Variants in HTR1E observed in about 807,000 individuals in gnomAD.
The protein encoded by HTR1E is 5-hydroxytryptamine receptor 1E.
Under a neutral mutation model 3.4 loss-of-function variants are expected in HTR1E, and 3 were observed. The observed-to-expected ratio is 0.89, with a 90% CI of 0.41 to 2.31. HTR1E has a LOEUF of 2.31. Among genes scored for constraint, HTR1E ranks in the 30% most tolerant of loss-of-function variants. The pLI, the probability that HTR1E is intolerant of heterozygous loss-of-function variation, is 0.05. For synonymous variants in HTR1E, 170 were observed against 182.8 expected (o/e 0.93, Z 0.56); for missense variants, 392 against 467.0 (o/e 0.84, Z 1.48).
chr6:87,012,210 C>T (rs1768249000), intron 1 of HTR1E, among the ~76,000 whole-genome samples: 1 of 152,152 alleles, frequency 6.6e-6, no homozygotes, highest in South Asian at 2.1e-4. Flanking sequence ...ACCTCAATGC[C>T]TTGGCCCTAA....
intron 1 of HTR1E, among the ~76,000 whole-genome samples, chr6:87,010,646 C>T (rs572962856): frequency 1.6e-4 from 23 of 146,930 alleles, no homozygotes; most frequent in East Asian, 4.1e-4. Flanking sequence ...CGGGCGGAGA[C>T]GCTCCTCACT....
At chr6:86,966,857 T>C (rs557951263) in intron 1 of HTR1E, among the ~76,000 whole-genome samples, 3 of 152,374 alleles carry the variant, frequency 2.0e-5, no homozygotes, top group African/African-American at 7.2e-5. Context: ...ATGGACATAT[T>C]CTTAAAAGAT....
At chr6:86,998,897 G>A (rs957669672) in intron 1 of HTR1E, among the ~76,000 whole-genome samples, 9 of 152,232 alleles carry the variant, frequency 5.9e-5, no homozygotes, top group African/African-American at 2.2e-4. Context: ...ACTATAGATA[G>A]TATAGGCTAA....
chr6:86,994,409 GA>G (rs959198721), intron 1 of HTR1E, among the ~76,000 whole-genome samples: 11 of 151,286 alleles, frequency 7.3e-5, no homozygotes, highest in African/African-American at 2.2e-4. Context: ...CCTATCAGGA[GA>G]AAAAAAAATT....
chr6:86,947,030 C>T (rs1209916286), intron 1 of HTR1E, among the ~76,000 whole-genome samples: 3 of 151,948 alleles, frequency 2.0e-5, no homozygotes, highest in Admixed American at 6.6e-5. Flanking sequence ...GCAGGAGAAT[C>T]GCTTGAACCC....
chr6:86,958,034 T>C (rs1434834656), intron 1 of HTR1E, among the ~76,000 whole-genome samples: 1 of 151,834 alleles, frequency 6.6e-6, no homozygotes, highest in Non-Finnish European at 1.5e-5. Flanking sequence ...GCAGGAGGCA[T>C]GCATTCCTTG....
At chr6:86,968,361 G>A (rs1263116818) in intron 1 of HTR1E, among the ~76,000 whole-genome samples, 1 of 152,216 alleles carries the variant, frequency 6.6e-6, no homozygotes, top group Non-Finnish European at 1.5e-5. Flanking sequence ...CAAAGTGTAT[G>A]TGCCTTGGTA....
intron 1 of HTR1E, among the ~76,000 whole-genome samples, chr6:87,013,873 C>A (rs1379181205): frequency 2.0e-5 from 3 of 152,038 alleles, no homozygotes; most frequent in Non-Finnish European, 4.4e-5. Flanking sequence ...ATTTATGCAA[C>A]CAACAAACAT....
Position 87,015,557 on chromosome 6 carries a change from G to A in HTR1E, c.223G>A (p.Val75Ile), listed in dbSNP as rs781747051. ...AVTDLLVAVL[V>I]MPLSIIYIVM... ...GACGGACCTCCTGGTGGCAGTGCTC[G>A]TCATGCCCCTGAGCATCATCTACAT... Residue 75 changes from valine to isoleucine, a missense_variant, in exon 2 of 2, where the codon GTC becomes ATC. By Grantham distance (29) the Val-to-Ile change is conservative. This residue lies in a region of HTR1E where 189 missense variants were observed against 258.0 expected (regional missense o/e 0.73). Transcript: ENST00000305344. 9.3e-6 allele frequency: 15 copies of A among 1,612,794 alleles called. No individual in the cohort carries two copies. The highest frequency in any genetic ancestry group is 3.3e-4 in the Middle Eastern group (2 of 6,082).
At chr6:87,002,530 G>C (rs1768039886) in intron 1 of HTR1E, among the ~76,000 whole-genome samples, 1 of 152,090 alleles carries the variant, frequency 6.6e-6, no homozygotes, top group Non-Finnish European at 1.5e-5. Flanking sequence ...CATTTTACAG[G>C]GTGCTGATTG....
chr6:86,976,711 C>T (rs1374369037), intron 1 of HTR1E, among the ~76,000 whole-genome samples: 1 of 152,184 alleles, frequency 6.6e-6, no homozygotes, highest in Admixed American at 6.5e-5. Flanking sequence ...CATTTCATCA[C>T]GTCAATGTGT....
intron 1 of HTR1E, among the ~76,000 whole-genome samples, chr6:86,969,671 T>C (rs1582265518): frequency 6.6e-6 from 1 of 152,200 alleles, no homozygotes. Flanking sequence ...TTACCAAGTT[T>C]CTCTCTGGAT....
intron 1 of HTR1E, among the ~76,000 whole-genome samples, chr6:86,959,353 G>C (rs1255530178): frequency 6.6e-6 from 1 of 152,146 alleles, no homozygotes; most frequent in East Asian, 1.9e-4. Context: ...GCCAAGGCAG[G>C]TGGATCACCT....
At chr6:86,939,821 G>A (rs535950341) in intron 1 of HTR1E, among the ~76,000 whole-genome samples, 11 of 152,252 alleles carry the variant, frequency 7.2e-5, no homozygotes, top group African/African-American at 2.6e-4. Flanking sequence ...GCATGGAAAC[G>A]ATGGCTCATG....
At chr6:87,010,023 C>T (rs1254586168) in intron 1 of HTR1E, among the ~76,000 whole-genome samples, 10 of 130,738 alleles carry the variant, frequency 7.6e-5, no homozygotes, top group African/African-American at 2.4e-4. Flanking sequence ...GACCCCCCCA[C>T]CTCCCTCCCG....
At chr6:86,955,521 A>G (rs72912466) in intron 1 of HTR1E, among the ~76,000 whole-genome samples, 4,339 of 152,304 alleles carry the variant, frequency 0.028, 111 homozygotes, top group Non-Finnish European at 0.042. Context: ...CTGCCTGCTC[A>G]TGAGACCCTG....
chr6:86,990,536 TG>T (rs1448968133), intron 1 of HTR1E, among the ~76,000 whole-genome samples: 1 of 152,132 alleles, frequency 6.6e-6, no homozygotes, highest in Non-Finnish European at 1.5e-5. Context: ...TGACCAAAAC[TG>T]GAACAACTTG....
chr6:87,014,100 G>A (rs887057380), intron 1 of HTR1E, among the ~76,000 whole-genome samples: 1 of 151,946 alleles, frequency 6.6e-6, no homozygotes, highest in Admixed American at 6.6e-5. Flanking sequence ...CCACACACCC[G>A]GGCCTGTCGT....
At position 87,010,180 on chromosome 6, in the gene HTR1E, CG is replaced by C. The variant is rs1337784326; in HGVS notation, c.-185-4964del. Among the ~76,000 whole-genome samples the C allele has an allele frequency of 4.4e-5, 4 of 91,358 alleles. 1 individual carries two copies. The highest frequency in any genetic ancestry group is 1.0e-4 in the Admixed American group (1 of 9,716). 59.9% of individuals were successfully genotyped at this position (91,358 alleles called of 152,430 possible). A position where few individuals can be genotyped will look rare whatever the true frequency, so the allele number is the denominator to read the frequency against. On this transcript the variant is annotated intron_variant, in intron 1 of 1. Transcript: ENST00000305344. ...CTCCCGGACGGGGCGGCTGGCCGGG[CG>C]GGGGGCCGACCCCCCCACCTCCCTC...
Sources: allele counts gnomAD v4.1 joint callset (sites outside exome capture counted in the v4.1 genomes callset), GRCh38; gene constraint gnomAD v4.1.1; regional missense constraint gnomAD v4.1.1; transcripts MANE v1.5; gene names NCBI Gene and HGNC (gene_info 2026-07-23, HGNC 2026-07-21).